The following WNT10A variants were observed in gnomAD, a reference collection of about 807,000 sequenced individuals.
WNT10A encodes the protein protein Wnt-10a.
In WNT10A, 37 loss-of-function variants were observed where a neutral mutation model predicts 36.1. The observed-to-expected ratio is 1.02, with a 90% CI of 0.79 to 1.35. The LOEUF is 1.35. Ranked by LOEUF, WNT10A falls within the 40% of genes most tolerant of loss-of-function variation. The pLI, the probability that WNT10A is intolerant of heterozygous loss-of-function variation, is 0.00. For synonymous variants in WNT10A, 255 were observed against 254.1 expected, an observed-to-expected ratio of 1.00 and a Z score of -0.03; for missense variants, 613 against 601.4, an observed-to-expected ratio of 1.02 and a Z score of -0.20.
intron 2 of WNT10A, among the ~76,000 whole-genome samples, chr2:218,889,575 TG>T: frequency 6.6e-6 from 1 of 152,228 alleles, no homozygotes. Context: ...TTAGCTTAAA[TG>T]TTGCCCTCAT....
At chr2:218,889,832 T>A in intron 2 of WNT10A, 152 bp from the exon 3 acceptor site, 1 of 1,311,704 alleles carries the variant, frequency 7.6e-7, no homozygotes, top group Non-Finnish European at 1.1e-6. Context: ...GCTTCTGGCG[T>A]GATTTCTGCC....
intron 3 of WNT10A, among the ~76,000 whole-genome samples, chr2:218,891,257 G>A (rs926575782): frequency 2.0e-5 from 3 of 152,170 alleles, no homozygotes; most frequent in East Asian, 1.9e-4. Flanking sequence ...GTTCTACAGC[G>A]TTGAGTCCAC....
chr2:218,889,482 T>C (rs1944619599), intron 2 of WNT10A, among the ~76,000 whole-genome samples: 1 of 152,226 alleles, frequency 6.6e-6, no homozygotes, highest in South Asian at 2.1e-4. Context: ...TACTTTTAGT[T>C]CTTTGAGGAA....
chr2:218,883,565 C>T (rs1424635648), intron 2 of WNT10A, among the ~76,000 whole-genome samples: 1 of 150,302 alleles, frequency 6.7e-6, no homozygotes, highest in South Asian at 2.1e-4. Context: ...CGCGCGCTCC[C>T]TCCTCCCTCC....
intron 2 of WNT10A, among the ~76,000 whole-genome samples, chr2:218,883,647 A>G (rs1264687586): frequency 2.0e-5 from 3 of 150,092 alleles, no homozygotes; most frequent in Non-Finnish European, 4.4e-5. Flanking sequence ...GCAGCCGCGA[A>G]CTAATCCCCG....
chr2:218,890,492 C>A, intron 3 of WNT10A, 129 bp downstream of exon 3: 1 of 1,347,974 alleles, frequency 7.4e-7, no homozygotes, highest in Non-Finnish European at 1.0e-6. Context: ...CTCGTTGACC[C>A]TGTCTAATTC....
Position 218,893,286 on chromosome 2 carries a change from C to T in WNT10A, c.*15C>T, listed in dbSNP as rs886055645. The T allele has an allele frequency of 3.9e-6, 6 of 1,539,310 alleles. No homozygotes were observed. The highest frequency in any genetic ancestry group is 3.5e-6 in the Non-Finnish European group (4 of 1,148,218). ...TCTGCAAGTGAGCGGCCCGGGGTCC[C>T]CTGGGCCCTGATCGAGGTCCCCTCC... On this transcript the variant is annotated 3_prime_UTR_variant, in exon 4 of 4. Transcript: ENST00000258411. The surrounding 1 kb of genome is among the most constrained non-coding windows in gnomAD (Gnocchi z 6.3).
At chr2:218,888,251 C>G (rs921314326) in intron 2 of WNT10A, among the ~76,000 whole-genome samples, 7 of 152,216 alleles carry the variant, frequency 4.6e-5, no homozygotes, top group African/African-American at 1.7e-4. Flanking sequence ...CCTAGCTGGT[C>G]CATTCTCAGA....
chr2:218,876,413 G>C (rs1944454046), upstream of WNT10A, among the ~76,000 whole-genome samples: 1 of 152,148 alleles, frequency 6.6e-6, no homozygotes, highest in Non-Finnish European at 1.5e-5. Context: ...CCCCCGCAAT[G>C]CCCCTGCATT....
intron 3 of WNT10A, among the ~76,000 whole-genome samples, chr2:218,891,033 G>A (rs559329832): frequency 5.4e-4 from 83 of 152,330 alleles, no homozygotes; most frequent in African/African-American, 2.0e-3. Flanking sequence ...TGCTTACTAT[G>A]TGTTAGGCAC....
Position 218,890,201 on chromosome 2 carries a change from G to C in WNT10A, c.594G>C (p.Leu198=). 1 of 1,614,050 alleles carries C rather than the reference G, an allele frequency of 6.2e-7. No individual in the cohort carries two copies. The highest frequency in any genetic ancestry group is 2.2e-5 in the East Asian group (1 of 44,884). The change falls in exon 3 of 4, where the codon CTG becomes CTC. Residue 198 remains leucine, a synonymous_variant. Transcript: ENST00000258411. ...ATGGGGTCCCGGAACACCCAGCCCT[G>C]CCCACAGCCAGCCCAGGCCTGCAGG... ...LSHGVPEHPA[L]PTASPGLQDS...
chr2:218,877,657 A>T (rs1944464675), upstream of WNT10A, among the ~76,000 whole-genome samples: 1 of 152,196 alleles, frequency 6.6e-6, no homozygotes, highest in Non-Finnish European at 1.5e-5. The surrounding 1 kb of genome is among the most constrained non-coding windows in gnomAD (Gnocchi z 4.1). Flanking sequence ...ACACAGGCAG[A>T]TGGGTGAGGA....
Position 218,893,199 on chromosome 2 carries a change from C to T in WNT10A, c.1182C>T (p.Cys394=). The stretch of plus-strand genomic sequence containing the variant: ...AGACGCGCAGCGAGCGCTGCCACTG[C>T]CGCTTCCACTGGTGCTGTTTCGTGG... ...LRQTRSERCH[C]RFHWCCFVVC... Residue 394 remains cysteine, a synonymous_variant, in exon 4 of 4, where the codon TGC becomes TGT. Transcript: ENST00000258411. This position sits in a 1 kb window ranked among gnomAD's most constrained non-coding sequence, Gnocchi z 6.3. The T allele has an allele frequency of 1.3e-6, 2 of 1,577,696 alleles. No individual in the cohort carries two copies. The highest frequency in any genetic ancestry group is 1.7e-4 in the Middle Eastern group (1 of 5,796).
upstream of WNT10A, among the ~76,000 whole-genome samples, chr2:218,876,607 ACT>A (rs921026895): frequency 1.6e-4 from 24 of 152,214 alleles, no homozygotes; most frequent in Middle Eastern, 3.4e-3. Flanking sequence ...ACCAAAGGAA[ACT>A]CTGTTAACTT....
upstream of WNT10A, among the ~76,000 whole-genome samples, chr2:218,878,552 G>A (rs150270698): frequency 1.3e-5 from 2 of 152,216 alleles, no homozygotes; most frequent in African/African-American, 4.8e-5. This position sits in a 1 kb window ranked among gnomAD's most constrained non-coding sequence, Gnocchi z 4.1. Flanking sequence ...TTCCCAAAAG[G>A]AGTCCCCACC....
upstream of WNT10A, among the ~76,000 whole-genome samples, chr2:218,879,852 T>C (rs770265398): frequency 2.6e-5 from 4 of 152,154 alleles, no homozygotes; most frequent in African/African-American, 9.7e-5. Context: ...AACGGCCACT[T>C]CTAGGGTTAA....
At chr2:218,889,811 CAGA>C (rs369996851) in intron 2 of WNT10A, among the ~76,000 whole-genome samples, 170 bp from the exon 3 acceptor site, 35 of 152,342 alleles carry the variant, frequency 2.3e-4, no homozygotes, top group Admixed American at 1.6e-3. Flanking sequence ...GTTCTGTTTG[CAGA>C]AGAACTGGCT....
chr2:218,893,053 T>C lies in WNT10A; in HGVS notation c.1036T>C (p.Cys346Arg), dbSNP rs1280777127. 1.9e-6 allele frequency: 3 copies of C among 1,596,356 alleles called. No individual in the cohort carries two copies. Among genetic ancestry groups the C allele is most frequent in the Non-Finnish European group, 2.5e-6 (3 of 1,179,092 alleles). The change falls in exon 4 of 4, where the codon TGC becomes CGC. Residue 346 changes from cysteine to arginine, a missense_variant. Cys to Arg is a radical substitution (Grantham distance 180). Coordinates refer to ENST00000258411, the MANE Select transcript of WNT10A (RefSeq NM_025216.3). The surrounding 1 kb of genome is among the most constrained non-coding windows in gnomAD (Gnocchi z 6.3). ...CTACTTCGAAAAGTCTCCCGACTTC[T>C]GCGAGCGCGAGCCGCGCCTGGACTC... ...LVYFEKSPDF[C>R]EREPRLDSAG...
chr2:218,888,471 C>A (rs1944608061), intron 2 of WNT10A, among the ~76,000 whole-genome samples: 2 of 152,236 alleles, frequency 1.3e-5, no homozygotes, highest in African/African-American at 4.8e-5. Context: ...GCCTCCTGAA[C>A]ATCTGGTGGA....
Sources: allele counts gnomAD v4.1 joint callset (sites outside exome capture counted in the v4.1 genomes callset), GRCh38; gene constraint gnomAD v4.1.1; non-coding constraint Gnocchi (gnomAD v3.1); transcripts MANE v1.5; gene names NCBI Gene and HGNC (gene_info 2026-07-23, HGNC 2026-07-21).